The following MLLT10 variants were observed in gnomAD, a reference collection of about 807,000 sequenced individuals.
MLLT10 encodes MLLT10 histone lysine methyltransferase DOT1L cofactor.
Under a neutral mutation model 129.1 loss-of-function variants are expected in MLLT10, and 30 were observed. That is an observed-to-expected ratio of 0.23 (90% CI 0.17 to 0.32). The LOEUF is 0.32. Ranked by LOEUF, MLLT10 falls within the 10% of genes least tolerant of loss-of-function variation. The pLI is 1.00. For missense variants in MLLT10, 1,119 were observed against 1,268.3 expected, an observed-to-expected ratio of 0.88 and a Z score of 1.79; for synonymous variants, 490 against 446.4, an observed-to-expected ratio of 1.10 and a Z score of -1.23.
intron 8 of MLLT10, among the ~76,000 whole-genome samples, chr10:21,633,148 A>G (rs1263259889): frequency 1.3e-5 from 2 of 152,164 alleles, no homozygotes; most frequent in African/African-American, 4.8e-5. Flanking sequence ...GTTGTGTCTC[A>G]GTTTCTTCAT....
rs540072467 is a variant in MLLT10 at position 21,594,282 on chromosome 10, G to T, written c.296-1049G>T. On this transcript the variant is annotated intron_variant, in intron 4 of 22. Coordinates refer to ENST00000307729, the MANE Select transcript of MLLT10 (RefSeq NM_001195626.3). ...AAGTACCCTTCAGGCTGAGCGTGGT[G>T]CTCATGCCTGTAATCCCATCACTTG... Among the ~76,000 whole-genome samples, 13 of 152,046 alleles carry T rather than the reference G, an allele frequency of 8.6e-5. No homozygotes were observed. In the East Asian group the frequency reaches 2.5e-3, roughly 29 times the overall value.
chr10:21,565,408 A>G (rs2039422887), intron 3 of MLLT10, among the ~76,000 whole-genome samples: 1 of 152,028 alleles, frequency 6.6e-6, no homozygotes, highest in Non-Finnish European at 1.5e-5. Flanking sequence ...TCCGGATTGA[A>G]GCGATTCTTC....
chr10:21,685,467 TG>T (rs1319901338), intron 13 of MLLT10, among the ~76,000 whole-genome samples: 1 of 152,114 alleles, frequency 6.6e-6, no homozygotes, highest in Non-Finnish European at 1.5e-5. Context: ...CCCGAGTAGC[TG>T]GGATTACAGG....
At chr10:21,573,987 A>C (rs764742857) in intron 3 of MLLT10, among the ~76,000 whole-genome samples, 5 of 152,084 alleles carry the variant, frequency 3.3e-5, no homozygotes, top group Non-Finnish European at 7.4e-5. Context: ...TGGTATATTC[A>C]TTGGTATTCT....
Position 21,708,471 on chromosome 10 carries a change from A to G in MLLT10, c.1700-5301A>G, listed in dbSNP as rs189843699. 3.3e-3 allele frequency: 2,301 copies of G among 693,906 alleles called. 8 individuals are homozygous for G. Among genetic ancestry groups the G allele is most frequent in the Non-Finnish European group, 3.4e-3 (1,908 of 564,464 alleles). The allele number at this position is 693,906 out of a possible 1,614,324, so 43.0% of individuals were successfully genotyped here. On this transcript the variant is annotated intron_variant, in intron 13 of 22. Coordinates refer to ENST00000307729, the MANE Select transcript of MLLT10 (RefSeq NM_001195626.3). Reference sequence around the variant, plus strand: ...TCCTACCTGAGGAGCAAGGAAGTTGAAGGGAATACATTATTTTCATTTTCA... The same window carrying G: ...TCCTACCTGAGGAGCAAGGAAGTTGGAGGGAATACATTATTTTCATTTTCA...
intron 20 of MLLT10, among the ~76,000 whole-genome samples, chr10:21,734,708 C>T (rs2058221194): frequency 6.6e-6 from 1 of 152,114 alleles, no homozygotes; most frequent in South Asian, 2.1e-4. Flanking sequence ...TAGCTCTCTT[C>T]CTTGGTGTTT....
intron 3 of MLLT10, among the ~76,000 whole-genome samples, chr10:21,549,353 G>A (rs186075826): frequency 1.6e-4 from 24 of 152,020 alleles, no homozygotes; most frequent in African/African-American, 4.8e-4. Flanking sequence ...CTCGTCATCC[G>A]CCCGCCTTGG....
chr10:21,724,950 G>C (rs1291072680), intron 14 of MLLT10, among the ~76,000 whole-genome samples: 2 of 152,204 alleles, frequency 1.3e-5, no homozygotes, highest in Non-Finnish European at 2.9e-5. Flanking sequence ...GAGCTGGCTT[G>C]CTGCCAAAAA....
intron 3 of MLLT10, among the ~76,000 whole-genome samples, chr10:21,547,241 G>T (rs1384491975): frequency 3.3e-5 from 5 of 151,888 alleles, no homozygotes; most frequent in African/African-American, 1.2e-4. Context: ...TTATTTTAGT[G>T]ATTGCACTTA....
chr10:21,658,509 G>A (rs1454178116), intron 9 of MLLT10, among the ~76,000 whole-genome samples: 2 of 152,102 alleles, frequency 1.3e-5, no homozygotes, highest in African/African-American at 4.8e-5. Flanking sequence ...ACAATTGATG[G>A]ACATTCAGGT....
intron 9 of MLLT10, 110 bp downstream of exon 9, chr10:21,651,878 T>A: frequency 2.5e-6 from 1 of 407,334 alleles, no homozygotes; most frequent in Non-Finnish European, 4.6e-6. Context: ...TTCAACCACA[T>A]ATCAGGCACT....
chr10:21,564,176 C>T (rs771382179), intron 3 of MLLT10, among the ~76,000 whole-genome samples: 3 of 152,088 alleles, frequency 2.0e-5, no homozygotes, highest in Admixed American at 6.6e-5. Context: ...AGGGCAGTGT[C>T]ATGATCATGG....
intron 8 of MLLT10, among the ~76,000 whole-genome samples, chr10:21,628,347 T>G (rs556044088): frequency 6.6e-6 from 1 of 152,138 alleles, no homozygotes; most frequent in Non-Finnish European, 1.5e-5. Context: ...GGAATTTGGA[T>G]TTAGTGTCTA....
intron 8 of MLLT10, among the ~76,000 whole-genome samples, chr10:21,619,373 C>T (rs1230033269): frequency 1.3e-5 from 2 of 152,042 alleles, no homozygotes; most frequent in Admixed American, 6.6e-5. Flanking sequence ...GTATAAAAAG[C>T]GCTTACTATA....
In MLLT10 at chr10:21,640,318, ATT is replaced by A. The variant is rs888996644; in HGVS notation, c.700-11354_700-11353del. Among the ~76,000 whole-genome samples, 8 of 145,574 alleles carry A rather than the reference ATT, an allele frequency of 5.5e-5. No homozygotes were observed. The Admixed American group carries it at 5.6e-4, about 10-fold the overall frequency. On this transcript the variant is annotated intron_variant, in intron 8 of 22. Coordinates refer to ENST00000307729, the MANE Select transcript of MLLT10 (RefSeq NM_001195626.3). ...TTATATAATATATATGTATACATAT[ATT>A]GGTGTATATATTACATAAAATATAT...
At chr10:21,594,256 A>C (rs1215868036) in intron 4 of MLLT10, among the ~76,000 whole-genome samples, 2 of 151,990 alleles carry the variant, frequency 1.3e-5, no homozygotes, top group Non-Finnish European at 2.9e-5. Context: ...GAGTTTGTCA[A>C]AAGTACCCTT....
rs772338754 is a variant in MLLT10, at chr10:21,673,400, G to C, written c.1102G>C (p.Val368Leu). ...TGTAAAGTCATCTTCTGGAAGTTCA[G>C]TGCAGTCTCCCCAGGATTTCCTGAG... The part of the protein sequence containing the change: ...GSVKSSSGSS[V>L]QSPQDFLSFT... The change falls in exon 11 of 23, where the codon GTG becomes CTG. Residue 368 changes from valine to leucine, a missense_variant. By Grantham distance (32) the Val-to-Leu change is conservative. Around this residue, in one of 5 missense-constraint regions of MLLT10, gnomAD observed 1,004 missense variants for 1,008.7 expected, o/e 1.00. Transcript: ENST00000307729. The C allele has an allele frequency of 1.3e-6, 2 of 1,578,124 alleles. No homozygotes were observed. The highest frequency in any genetic ancestry group is 4.7e-5 in the East Asian group (2 of 42,842).
chr10:21,622,193 T>G (rs1203746007), intron 8 of MLLT10, among the ~76,000 whole-genome samples: 1 of 148,210 alleles, frequency 6.7e-6, no homozygotes, highest in Non-Finnish European at 1.5e-5. Flanking sequence ...AGTATCGCTC[T>G]GTTACGCAGG....
chr10:21,677,399 A>C (rs1248252426), intron 11 of MLLT10, among the ~76,000 whole-genome samples: 1 of 152,214 alleles, frequency 6.6e-6, no homozygotes, highest in African/African-American at 2.4e-5. Context: ...TTTGGCATCC[A>C]TGGGGACTTG....
Sources: gnomAD v4.1 joint callset for allele counts (sites outside exome capture counted in the v4.1 genomes callset) on GRCh38, gnomAD v4.1.1 for gene constraint, gnomAD v4.1.1 regional missense constraint, MANE v1.5 for transcripts, NCBI Gene and HGNC (gene_info 2026-07-23, HGNC 2026-07-21) for gene names.